The following UEVLD variants were observed in gnomAD, a reference collection of about 807,000 sequenced individuals.
UEVLD encodes UEV and lactate/malate dehyrogenase domains, also known as ubiquitin-conjugating enzyme E2 variant 3.
A neutral mutation model predicts 58.6 loss-of-function variants in UEVLD; 47 were observed. The observed-to-expected ratio is 0.80, with a 90% CI of 0.63 to 1.02. The LOEUF is 1.02. Among genes scored for constraint, UEVLD ranks in the 50% least tolerant of loss-of-function variants. The probability of loss-of-function intolerance (pLI) is 0.00; values close to 1 mark genes in which losing one functional copy is unlikely to be tolerated. For synonymous variants in UEVLD, 197 were observed against 195.3 expected, an observed-to-expected ratio of 1.01 and a Z score of -0.07; for missense variants, 510 against 550.6, an observed-to-expected ratio of 0.93 and a Z score of 0.74.
intron 9 of UEVLD, among the ~76,000 whole-genome samples, chr11:18,543,098 G>A (rs774999337): frequency 6.6e-6 from 1 of 151,786 alleles, no homozygotes; most frequent in African/African-American, 2.4e-5. Flanking sequence ...TCACCATGTT[G>A]GCCAGGATGG....
intron 7 of UEVLD, among the ~76,000 whole-genome samples, chr11:18,553,990 C>T (rs1226210153): frequency 2.0e-5 from 3 of 151,814 alleles, no homozygotes; most frequent in Admixed American, 6.6e-5. Flanking sequence ...TATTTGGGCA[C>T]AATAAAAAGA....
At position 18,535,864 on chromosome 11, in the gene UEVLD, C is replaced by T. The variant is rs185493063; in HGVS notation, c.1124+542G>A. 1.2e-4 allele frequency among the ~76,000 whole-genome samples: 18 copies of T among 152,254 alleles called. No homozygotes were observed. The East Asian group carries it at 2.7e-3, about 23-fold the overall frequency. On this transcript the variant is annotated intron_variant, in intron 10 of 11. Transcript: ENST00000396197. ...CATTAAGAAAATTGTTGGCCTGGCA[C>T]GGTGGCTCACACCTGTAATCCCGGC... is the stretch of plus-strand genomic sequence containing the variant.
intron 9 of UEVLD, among the ~76,000 whole-genome samples, chr11:18,537,299 T>C (rs1467773641): frequency 4.1e-5 from 6 of 146,226 alleles, no homozygotes; most frequent in African/African-American, 1.0e-4. Flanking sequence ...ATACACAGAC[T>C]GGAAATTTCT....
Position 18,536,392 on chromosome 11 carries a change from CCAGT to C in UEVLD, c.1124+10_1124+13del, listed in dbSNP as rs760570546. ...TTTTTCGTTGGATAAATGCAAATTT[CCAGT>C]CAGTGTTACCTGTTGGACAGCTGCA... On this transcript the variant is annotated intron_variant, in intron 10 of 11. Transcript: ENST00000396197. The C allele has an allele frequency of 2.7e-5, 44 of 1,612,846 alleles. No homozygotes were observed. The African/African-American group carries it at 5.9e-4, about 22-fold the overall frequency.
intron 4 of UEVLD, among the ~76,000 whole-genome samples, chr11:18,569,003 T>C (rs1410672774): frequency 6.6e-6 from 1 of 152,162 alleles, no homozygotes; most frequent in African/African-American, 2.4e-5. Flanking sequence ...CACACCATTC[T>C]ACTGCCTCAG....
At position 18,532,484 on chromosome 11, in the gene UEVLD, A is replaced by G. The variant is rs1188272563; in HGVS notation, c.1252T>C (p.Tyr418His). The change falls in exon 12 of 12, where the codon TAT (tyrosine) becomes CAT (histidine). Residue 418 changes from tyrosine (Y) to histidine (H), a missense_variant. Transcript: ENST00000396197. ...VHSVSALAKG[Y>H]YDINSEVFLS... ...AACACTTCACTATTTATATCATAAT[A>G]TCCCTGAAATGAGAAAAATAGGGAT... The G allele has an allele frequency of 6.3e-7, 1 of 1,596,188 alleles. No homozygotes were observed. The highest frequency in any genetic ancestry group is 8.5e-7 in the Non-Finnish European group (1 of 1,172,500).
chr11:18,551,810 T>C (rs1851542399), intron 7 of UEVLD, among the ~76,000 whole-genome samples: 1 of 152,194 alleles, frequency 6.6e-6, no homozygotes, highest in Non-Finnish European at 1.5e-5. Context: ...AACCAAAGGC[T>C]GGTCACAGTT....
chr11:18,547,551 G>C (rs1217190341), intron 7 of UEVLD, among the ~76,000 whole-genome samples: 1 of 152,046 alleles, frequency 6.6e-6, no homozygotes, highest in Non-Finnish European at 1.5e-5. Context: ...GTATCCCCAG[G>C]GGGGAAGATA....
Position 18,532,327 on chromosome 11 carries a change from T to C in UEVLD, c.1409A>G (p.Lys470Arg). The change falls in exon 12 of 12, where the codon AAA becomes AGA. Residue 470 changes from lysine to arginine, a missense_variant. Coordinates refer to ENST00000396197, the MANE Select transcript of UEVLD (RefSeq NM_001040697.4). ...SSIHSLQQQL[K>R]L Reference sequence around the variant, plus strand: ...TCAAATTGCATTTGAGAATCAAAGTTTTAACTGTTGTTGGAGACTGTGGAT... The same window carrying C: ...TCAAATTGCATTTGAGAATCAAAGTCTTAACTGTTGTTGGAGACTGTGGAT... 1 of 1,598,316 alleles carries C rather than the reference T, an allele frequency of 6.3e-7. No individual in the cohort carries two copies. Among genetic ancestry groups the C allele is most frequent in the Middle Eastern group, 1.7e-4 (1 of 5,998 alleles).
intron 7 of UEVLD, among the ~76,000 whole-genome samples, chr11:18,551,920 G>A (rs1851545619): frequency 6.6e-6 from 1 of 152,134 alleles, no homozygotes; most frequent in African/African-American, 2.4e-5. Context: ...CCAATGTTAT[G>A]ATGAATGAAA....
chr11:18,545,756 TTAAATA>T (rs1851281185), intron 8 of UEVLD, among the ~76,000 whole-genome samples: 1 of 152,198 alleles, frequency 6.6e-6, no homozygotes, highest in Admixed American at 6.5e-5. Context: ...AATTTTATTG[TTAAATA>T]TAAATTGTCA....
chr11:18,556,402 C>T (rs1316936108), intron 7 of UEVLD, among the ~76,000 whole-genome samples: 1 of 152,188 alleles, frequency 6.6e-6, no homozygotes, highest in African/African-American at 2.4e-5. Flanking sequence ...TACAGGCAGC[C>T]GAAGGCTTAC....
At chr11:18,544,361 T>C (rs1368250133) in intron 9 of UEVLD, among the ~76,000 whole-genome samples, 1 of 152,216 alleles carries the variant, frequency 6.6e-6, no homozygotes, top group African/African-American at 2.4e-5. Flanking sequence ...CAGGCTTGAA[T>C]GCAGTGCTGC....
At chr11:18,554,358 C>G (rs915223003) in intron 7 of UEVLD, among the ~76,000 whole-genome samples, 5 of 147,144 alleles carry the variant, frequency 3.4e-5, no homozygotes, top group Admixed American at 6.9e-5. Flanking sequence ...TCCCAAAGTG[C>G]TGGGATTACA....
At chr11:18,563,463 C>T (rs769005590) in intron 6 of UEVLD, among the ~76,000 whole-genome samples, 22 of 151,834 alleles carry the variant, frequency 1.4e-4, no homozygotes, top group Non-Finnish European at 2.1e-4. Flanking sequence ...TGGTTGCTGG[C>T]GCCTGTAAGC....
intron 1 of UEVLD, chr11:18,579,379 A>T (rs908875307): frequency 2.7e-5 from 25 of 916,366 alleles, no homozygotes; most frequent in Admixed American, 6.2e-5. Flanking sequence ...CCCGAGCTCA[A>T]ATCCAGGACC....
chr11:18,535,249 GAA>G (rs1225651821), intron 10 of UEVLD, among the ~76,000 whole-genome samples: 1 of 151,936 alleles, frequency 6.6e-6, no homozygotes, highest in Non-Finnish European at 1.5e-5. Flanking sequence ...CTCCTGAGTA[GAA>G]AAAAAATTTT....
At position 18,558,267 on chromosome 11, in the gene UEVLD, G is replaced by T. The variant is rs779912535; in HGVS notation, c.676C>A (p.Leu226Ile). The T allele has an allele frequency of 3.1e-6, 5 of 1,613,150 alleles. No homozygotes were observed. The Admixed American group carries it at 6.7e-5, about 22-fold the overall frequency. Reference sequence around the variant, plus strand: ...ACATTAGGAAGGTTGAAGATTTCAAGGTCCATCGTGGCTCCTTTAGTCCCT... The same window carrying T: ...ACATTAGGAAGGTTGAAGATTTCAATGTCCATCGTGGCTCCTTTAGTCCCT... ...SEGTKGATMD[L>I]EIFNLPNVEI... Residue 226 changes from leucine (L) to isoleucine (I), a missense_variant, in exon 7 of 12, where the codon CTT (leucine) becomes ATT (isoleucine). Transcript: ENST00000396197.
At chr11:18,535,851 T>A (rs904348293) in intron 10 of UEVLD, among the ~76,000 whole-genome samples, 3 of 152,264 alleles carry the variant, frequency 2.0e-5, no homozygotes, top group Non-Finnish European at 2.9e-5. Context: ...TTAAGAAAAT[T>A]GTTGGCCTGG....
Sources: allele counts gnomAD v4.1 joint callset (sites outside exome capture counted in the v4.1 genomes callset), GRCh38; gene constraint gnomAD v4.1.1; transcripts MANE v1.5; gene names NCBI Gene and HGNC (gene_info 2026-07-23, HGNC 2026-07-21).